The following PARP16 variants were observed in gnomAD, a reference collection of about 807,000 sequenced individuals.
PARP16 encodes protein mono-ADP-ribosyltransferase PARP16.
A neutral mutation model predicts 35.0 loss-of-function variants in PARP16; 31 were observed. The observed-to-expected ratio is 0.88, with a 90% CI of 0.66 to 1.19. The LOEUF is 1.19. Among genes scored for constraint, PARP16 ranks in the 50% most tolerant of loss-of-function variants. The pLI is 0.00. For missense variants in PARP16, 424 were observed against 411.2 expected (o/e 1.03, Z -0.27); for synonymous variants, 162 against 169.5 (o/e 0.96, Z 0.34).
At chr15:65,285,266 T>C (rs1030622737) in intron 1 of PARP16, among the ~76,000 whole-genome samples, 7 of 151,612 alleles carry the variant, frequency 4.6e-5, no homozygotes, top group Non-Finnish European at 8.8e-5. Context: ...GCTTCCAGAG[T>C]AGCTGGGATT....
chr15:65,251,224 G>A (rs1290715804), intron 2 of PARP16, among the ~76,000 whole-genome samples: 1 of 152,024 alleles, frequency 6.6e-6, no homozygotes, highest in Non-Finnish European at 1.5e-5. Context: ...TGCCTTGTGG[G>A]GATAGTCCAA....
chr15:65,250,173 A>C (rs1203196998), intron 2 of PARP16, among the ~76,000 whole-genome samples: 1 of 136,320 alleles, frequency 7.3e-6, no homozygotes, highest in African/African-American at 2.9e-5. Context: ...GCTGGAGTGC[A>C]ATGGTGCGAC....
chr15:65,256,454 C>G (rs2089512109), downstream of PARP16, among the ~76,000 whole-genome samples: 2 of 141,372 alleles, frequency 1.4e-5, no homozygotes, highest in South Asian at 4.8e-4. Context: ...GTCACCCAGG[C>G]TGGAGTGCAG....
downstream of PARP16, among the ~76,000 whole-genome samples, chr15:65,233,914 A>T (rs1366574332): frequency 1.3e-5 from 2 of 152,136 alleles, no homozygotes; most frequent in Non-Finnish European, 2.9e-5. Flanking sequence ...AGTGCAGTAA[A>T]AAAATTTTTT....
chr15:65,260,789 G>C, intron 5 of PARP16, 96 bp downstream of exon 5: 1 of 1,047,930 alleles, frequency 9.5e-7, no homozygotes, highest in Non-Finnish European at 1.5e-6. Context: ...GACATCTAGC[G>C]GAGGTCTAAG....
At chr15:65,268,477 G>C (rs1292518566) in intron 2 of PARP16, among the ~76,000 whole-genome samples, 3 of 152,162 alleles carry the variant, frequency 2.0e-5, no homozygotes, top group Non-Finnish European at 2.9e-5. Context: ...ACAGGATCTG[G>C]CTCTGTCGCC....
intron 1 of PARP16, among the ~76,000 whole-genome samples, chr15:65,271,984 G>A (rs1250835666): frequency 6.6e-6 from 1 of 152,218 alleles, no homozygotes; most frequent in African/African-American, 2.4e-5. Flanking sequence ...GTGTGACAAT[G>A]TTTTGTTGGA....
At chr15:65,244,834 GC>G in intron 3 of PARP16, among the ~76,000 whole-genome samples, 1 of 152,236 alleles carries the variant, frequency 6.6e-6, no homozygotes, top group Non-Finnish European at 1.5e-5. Flanking sequence ...TCTCCTGTGA[GC>G]CTGTTGGTTG....
At chr15:65,261,348 A>C (rs989278676) in intron 4 of PARP16, among the ~76,000 whole-genome samples, 3 of 150,872 alleles carry the variant, frequency 2.0e-5, no homozygotes, top group Non-Finnish European at 3.0e-5. Flanking sequence ...TAGGAACAGG[A>C]CTTGATCTGA....
chr15:65,239,514 TC>T (rs894252829), intron 3 of PARP16, among the ~76,000 whole-genome samples: 4 of 139,174 alleles, frequency 2.9e-5, no homozygotes, highest in African/African-American at 1.1e-4. Context: ...ACCTATGACC[TC>T]CAAAAGTTTT....
intron 3 of PARP16, among the ~76,000 whole-genome samples, chr15:65,239,558 C>T (rs1416837486): frequency 6.6e-6 from 1 of 151,472 alleles, no homozygotes; most frequent in Admixed American, 6.6e-5. Context: ...CTTCCCTTCC[C>T]CACCTCCCAT....
intron 3 of PARP16, among the ~76,000 whole-genome samples, chr15:65,242,706 TTTTATTTA>T (rs1207275485): frequency 1.3e-5 from 2 of 152,080 alleles, no homozygotes; most frequent in Non-Finnish European, 2.9e-5. Flanking sequence ...CAGTTATTCA[TTTTATTTA>T]TTTATTTATT....
At position 65,239,458 on chromosome 15, in the gene PARP16, GAAAAGAAAAAA is replaced by G. The variant is rs1222780809; in HGVS notation, c.*98-4646_*98-4636del. Among the ~76,000 whole-genome samples the G allele has an allele frequency of 1.4e-4, 9 of 62,550 alleles. No individual in the cohort carries two copies. In the South Asian group the frequency reaches 3.5e-3, roughly 24 times the overall value. The allele number at this position is 62,550 out of a possible 152,430, so 41.0% of individuals were successfully genotyped here. A position where few individuals can be genotyped will look rare whatever the true frequency, so the allele number is the denominator to read the frequency against. The stretch of plus-strand genomic sequence containing the variant: ...AAAAAAAAAAAAAAAAAAAAAGAGA[GAAAAGAAAAAA>G]AAAAGAAAAGAAAGAAAAAATGAAA... On this transcript the variant is annotated intron_variant and NMD_transcript_variant, in intron 3 of 3. Transcript: ENST00000559805.
At chr15:65,264,341 G>A (rs1030746856) in intron 3 of PARP16, among the ~76,000 whole-genome samples, 2 of 152,156 alleles carry the variant, frequency 1.3e-5, no homozygotes, top group African/African-American at 2.4e-5. Context: ...AGGTAGCTGC[G>A]ACCAATGGAT....
intron 1 of PARP16, among the ~76,000 whole-genome samples, chr15:65,281,068 A>T (rs981366878): frequency 2.6e-5 from 4 of 152,178 alleles, no homozygotes; most frequent in Non-Finnish European, 4.4e-5. Flanking sequence ...GCTAACACAA[A>T]GAAGCCATTC....
At position 65,248,802 on chromosome 15, in the gene PARP16, C is replaced by G. The variant is rs773858587; in HGVS notation, c.203-574G>C. On this transcript the variant is annotated intron_variant and NMD_transcript_variant, in intron 2 of 3. Transcript: ENST00000559805. ...AAAAAGCCGGCTCTTCCTCCTCCCC[C>G]ACAGACCCAGGCCAGAGTCCTAGGT... Among the ~76,000 whole-genome samples the G allele has an allele frequency of 8.5e-5, 13 of 152,320 alleles. 1 individual carries two copies. Among genetic ancestry groups the G allele is most frequent in the Middle Eastern group, 3.4e-3 (1 of 294 alleles).
At position 65,261,000 on chromosome 15, in the gene PARP16, C is replaced by T; in HGVS notation, c.718G>A (p.Ala240Thr). 1 of 1,613,920 alleles carries T rather than the reference C, an allele frequency of 6.2e-7. No homozygotes were observed. The change falls in exon 5 of 6, where the codon GCG becomes ACG. Residue 240 changes from alanine (A) to threonine (T), a missense_variant. Physicochemically the swap from Ala to Thr is moderately conservative, Grantham distance 58. Transcript: ENST00000649807. ...CCCCCTTCACTATGTTTGATTCTCGCTCGTCTGCGATCTATCTCCTTGGAA... is the reference window on the plus strand; with the variant it reads ...CCCCCTTCACTATGTTTGATTCTCGTTCGTCTGCGATCTATCTCCTTGGAA... The part of the protein sequence containing the change: ...KDSKEIDRRR[A>T]RIKHSEGGDI...
chr15:65,260,868 G>A lies in PARP16; in HGVS notation c.833+17C>T. On this transcript the variant is annotated intron_variant, in intron 5 of 5. Transcript: ENST00000649807. ...AGCACTCTGAATACAGCCATTAGTTGTTCTCTTGGACCTTACCTCTTGGGT... is the reference window on the plus strand; with the variant it reads ...AGCACTCTGAATACAGCCATTAGTTATTCTCTTGGACCTTACCTCTTGGGT... The A allele has an allele frequency of 6.2e-7, 1 of 1,611,864 alleles. No individual in the cohort carries two copies. Among genetic ancestry groups the A allele is most frequent in the East Asian group, 2.2e-5 (1 of 44,840 alleles).
intron 3 of PARP16, among the ~76,000 whole-genome samples, chr15:65,246,040 T>C (rs1329206898): frequency 6.6e-6 from 1 of 151,996 alleles, no homozygotes; most frequent in Non-Finnish European, 1.5e-5. Context: ...ATCAAACCAA[T>C]TATCTGTGAC....
Sources: gnomAD v4.1 joint callset for allele counts (sites outside exome capture counted in the v4.1 genomes callset) on GRCh38, gnomAD v4.1.1 for gene constraint, MANE v1.5 for transcripts, NCBI Gene and HGNC (gene_info 2026-07-23, HGNC 2026-07-21) for gene names.